TRPC7: variants seen among roughly 807,000 people sequenced by gnomAD.
TRPC7 encodes short transient receptor potential channel 7.
Under a neutral mutation model 90.1 loss-of-function variants are expected in TRPC7, and 42 were observed. That is an observed-to-expected ratio of 0.47 (90% CI 0.36 to 0.60). The LOEUF is 0.60. Ranked by LOEUF, TRPC7 falls within the 20% of genes least tolerant of loss-of-function variation. TRPC7 has a pLI of 0.00. For missense variants in TRPC7, 955 were observed against 1,112.3 expected, an observed-to-expected ratio of 0.86 and a Z score of 2.01; for synonymous variants, 451 against 436.3, an observed-to-expected ratio of 1.03 and a Z score of -0.42.
chr5:136,244,724 A>T (rs996822823), intron 7 of TRPC7, among the ~76,000 whole-genome samples: 5 of 152,148 alleles, frequency 3.3e-5, no homozygotes, highest in African/African-American at 1.2e-4. Flanking sequence ...ATTTAGTTTT[A>T]CCTTTAGCAG....
At chr5:136,361,285 A>C (rs1760561042) in intron 1 of TRPC7, among the ~76,000 whole-genome samples, 1 of 152,208 alleles carries the variant, frequency 6.6e-6, no homozygotes, top group Admixed American at 6.5e-5. Flanking sequence ...TAAATACCCC[A>C]ATTAAGACAC....
chr5:136,309,380 A>G (rs1038426604), intron 3 of TRPC7, among the ~76,000 whole-genome samples: 2 of 152,164 alleles, frequency 1.3e-5, no homozygotes, highest in Middle Eastern at 3.2e-3. Context: ...CCCATCTCCC[A>G]CATAATTTTT....
chr5:136,256,695 G>A (rs573903819), intron 5 of TRPC7, among the ~76,000 whole-genome samples: 16 of 152,246 alleles, frequency 1.1e-4, no homozygotes, highest in Admixed American at 7.8e-4. Context: ...TCATATCATG[G>A]TCACTTCTGT....
chr5:136,236,981 A>G (rs933577586), intron 7 of TRPC7, among the ~76,000 whole-genome samples: 1 of 152,198 alleles, frequency 6.6e-6, no homozygotes, highest in Non-Finnish European at 1.5e-5. Context: ...ACTCTGCTAG[A>G]GTTCTGCTGA....
chr5:136,224,224 C>T (rs1436049664), intron 10 of TRPC7, among the ~76,000 whole-genome samples: 1 of 152,126 alleles, frequency 6.6e-6, no homozygotes, highest in Non-Finnish European at 1.5e-5. Flanking sequence ...TGCTGATCAT[C>T]GAGAAGTGGA....
intron 8 of TRPC7, 124 bp from the exon 9 acceptor site, chr5:136,226,379 A>C: frequency 1.4e-6 from 1 of 696,372 alleles, no homozygotes; most frequent in Non-Finnish European, 2.4e-6. Flanking sequence ...GACTTGGTGT[A>C]GTTTTTCTAC....
intron 2 of TRPC7, among the ~76,000 whole-genome samples, chr5:136,339,852 C>CAAAAACAACAAA (rs147762581): frequency 6.6e-6 from 1 of 151,736 alleles, no homozygotes; most frequent in Non-Finnish European, 1.5e-5. Context: ...ACAACAACAA[C>CAAAAACAACAAA]AACAACAACA....
At chr5:136,271,038 G>A (rs1370825776) in intron 4 of TRPC7, among the ~76,000 whole-genome samples, 1 of 152,140 alleles carries the variant, frequency 6.6e-6, no homozygotes, top group Non-Finnish European at 1.5e-5. Flanking sequence ...ATGGTTTGAG[G>A]ACCCCTTTCA....
At chr5:136,306,049 T>C (rs1366921438) in intron 3 of TRPC7, among the ~76,000 whole-genome samples, 3 of 152,200 alleles carry the variant, frequency 2.0e-5, no homozygotes, top group Non-Finnish European at 2.9e-5. Context: ...ATTTTCTGTC[T>C]AGTCATACTC....
rs150019199 is a variant in TRPC7 at position 136,309,356 on chromosome 5, G to A, written c.963+6241C>T. Among the ~76,000 whole-genome samples, 517 of 152,286 alleles carry A rather than the reference G, an allele frequency of 3.4e-3. 1 individual carries two copies. The highest frequency in any genetic ancestry group is 0.011 in the African/African-American group (476 of 41,556). ...TCTTGGCAGGACTATCAGACCTACT[G>A]CTCAGCTCCCTCTCCCATCTCCCAC... On this transcript the variant is annotated intron_variant, in intron 3 of 11. Coordinates refer to ENST00000513104, the MANE Select transcript of TRPC7 (RefSeq NM_020389.3).
At chr5:136,221,491 T>C (rs1755459826) in intron 10 of TRPC7, among the ~76,000 whole-genome samples, 2 of 152,148 alleles carry the variant, frequency 1.3e-5, no homozygotes, top group South Asian at 2.1e-4. Flanking sequence ...CATCTTTCTA[T>C]GGGAGAGACA....
rs536946721 is a variant in TRPC7 at position 136,364,604 on chromosome 5, G to T, written c.2+649C>A. 2.4e-4 allele frequency among the ~76,000 whole-genome samples: 37 copies of T among 152,202 alleles called. 1 individual carries two copies. The South Asian group carries it at 6.6e-3, about 27-fold the overall frequency. On this transcript the variant is annotated intron_variant, in intron 1 of 11. Coordinates refer to ENST00000513104, the MANE Select transcript of TRPC7 (RefSeq NM_020389.3). The stretch of plus-strand genomic sequence containing the variant: ...TTACGCCTCTAAATTATAATTAATA[G>T]CAATAGCATTTTGGTTGTGTCTACT...
At position 136,276,327 on chromosome 5, in the gene TRPC7, C is replaced by A. The variant is rs185275134; in HGVS notation, c.964-1490G>T. Among the ~76,000 whole-genome samples the A allele has an allele frequency of 3.9e-3, 595 of 152,286 alleles. 1 individual carries two copies. Among genetic ancestry groups the A allele is most frequent in the Non-Finnish European group, 6.5e-3 (445 of 68,024 alleles). On this transcript the variant is annotated intron_variant, in intron 3 of 11. Transcript: ENST00000513104. Reference sequence around the variant, plus strand: ...TATGGACTAGAGAAGATAGACTGGGCATTTTTCAAAGGGACAACTTATCAA... The same window carrying A: ...TATGGACTAGAGAAGATAGACTGGGAATTTTTCAAAGGGACAACTTATCAA...
At chr5:136,261,230 T>G (rs191624610) in intron 5 of TRPC7, among the ~76,000 whole-genome samples, 1 of 152,238 alleles carries the variant, frequency 6.6e-6, no homozygotes, top group East Asian at 1.9e-4. Flanking sequence ...AGATGCTATT[T>G]AGAACAAGAT....
In TRPC7 at chr5:136,357,309, G is replaced by A. The variant is rs1349878126; in HGVS notation, c.79C>T (p.Arg27Trp). ...TCGTTGAACATGTAGGCGGGACCCC[G>A]GATGGCCTGGCGACGGCCCTTCTCC... is the stretch of plus-strand genomic sequence containing the variant. The part of the protein sequence containing the change: ...LREKGRRQAI[R>W]GPAYMFNEKG... Residue 27 changes from arginine (R) to tryptophan (W), a missense_variant, in exon 2 of 12, where the codon CGG becomes TGG. Around this residue, in one of 4 missense-constraint regions of TRPC7, gnomAD observed 161 missense variants for 145.7 expected, o/e 1.10. Transcript: ENST00000513104. 1.2e-6 allele frequency: 2 copies of A among 1,609,858 alleles called. No homozygotes were observed. Among genetic ancestry groups the A allele is most frequent in the Non-Finnish European group, 1.7e-6 (2 of 1,179,852 alleles).
intron 2 of TRPC7, among the ~76,000 whole-genome samples, chr5:136,353,282 C>T (rs1760260327): frequency 6.6e-6 from 1 of 152,110 alleles, no homozygotes; most frequent in Non-Finnish European, 1.5e-5. Context: ...TAAAGTGACT[C>T]CAAAAACAAT....
At chr5:136,252,316 C>T (rs1756550352) in intron 5 of TRPC7, among the ~76,000 whole-genome samples, 1 of 152,052 alleles carries the variant, frequency 6.6e-6, no homozygotes, top group Non-Finnish European at 1.5e-5. Flanking sequence ...CCCCAAGAAC[C>T]TAGAACTATG....
chr5:136,244,378 G>C (rs780384955), intron 7 of TRPC7, among the ~76,000 whole-genome samples: 1 of 152,168 alleles, frequency 6.6e-6, no homozygotes, highest in Non-Finnish European at 1.5e-5. Context: ...GAGGGAGTGA[G>C]GGACTGTGGG....
intron 2 of TRPC7, among the ~76,000 whole-genome samples, chr5:136,333,640 T>C (rs947770942): frequency 2.0e-5 from 3 of 152,128 alleles, no homozygotes; most frequent in Admixed American, 6.5e-5. Context: ...GTAGAATCTG[T>C]TGGAATCATC....
Sources: gnomAD v4.1 joint callset for allele counts (sites outside exome capture counted in the v4.1 genomes callset) on GRCh38, gnomAD v4.1.1 for gene constraint, gnomAD v4.1.1 regional missense constraint, MANE v1.5 for transcripts, NCBI Gene and HGNC (gene_info 2026-07-23, HGNC 2026-07-21) for gene names.